The following TXNDC16 variants were observed in gnomAD, a reference collection of about 807,000 sequenced individuals.
The protein encoded by TXNDC16 is thioredoxin domain-containing protein 16.
A neutral mutation model predicts 85.6 loss-of-function variants in TXNDC16; 74 were observed. The ratio of observed to expected loss-of-function variants is 0.86; its 90% CI spans 0.72 to 1.05. TXNDC16 has a LOEUF of 1.05. TXNDC16 is among the 50% of genes least tolerant of loss of function. The pLI is 0.00. For synonymous variants in TXNDC16, 335 were observed against 326.5 expected, an observed-to-expected ratio of 1.03 and a Z score of -0.28; for missense variants, 959 against 947.0, an observed-to-expected ratio of 1.01 and a Z score of -0.17.
At chr14:52,484,464 AT>A (rs1271504366) in intron 12 of TXNDC16, among the ~76,000 whole-genome samples, 2 of 152,184 alleles carry the variant, frequency 1.3e-5, no homozygotes, top group Non-Finnish European at 2.9e-5. Flanking sequence ...GTCCCTTAAG[AT>A]TATAATAGAG....
chr14:52,499,648 G>A (rs969734874), intron 9 of TXNDC16, among the ~76,000 whole-genome samples: 1 of 151,240 alleles, frequency 6.6e-6, no homozygotes, highest in Non-Finnish European at 1.5e-5. Context: ...AATGACAAAC[G>A]TTGGTGAAGA....
chr14:52,457,886 A>G (rs1037727), intron 16 of TXNDC16, among the ~76,000 whole-genome samples: 2,037 of 152,328 alleles, frequency 0.013, 45 homozygotes, highest in African/African-American at 0.046. Context: ...AGCAAGTCTG[A>G]ATTAAATCAT....
chr14:52,536,028 C>CA (rs886399345), intron 6 of TXNDC16, among the ~76,000 whole-genome samples: 1 of 150,154 alleles, frequency 6.7e-6, no homozygotes, highest in East Asian at 1.9e-4. Flanking sequence ...CATCTCAAAA[C>CA]AAAAAACAAA....
At chr14:52,438,273 C>A (rs1447267535) in intron 20 of TXNDC16, among the ~76,000 whole-genome samples, 1 of 152,178 alleles carries the variant, frequency 6.6e-6, no homozygotes, top group South Asian at 2.1e-4. Context: ...GAATAAAATG[C>A]TATCAAACAG....
chr14:52,540,600 G>C (rs1425113378), intron 4 of TXNDC16, among the ~76,000 whole-genome samples: 1 of 152,094 alleles, frequency 6.6e-6, no homozygotes, highest in Non-Finnish European at 1.5e-5. Flanking sequence ...ACTCCAGCCT[G>C]GGTGACAGAG....
At chr14:52,452,367 G>T (rs1237881629) in intron 18 of TXNDC16, among the ~76,000 whole-genome samples, 1 of 152,036 alleles carries the variant, frequency 6.6e-6, no homozygotes, top group Non-Finnish European at 1.5e-5. Context: ...ACCCAGAATA[G>T]CCAAAGCTAT....
At chr14:52,448,260 T>A (rs1459429190) in intron 18 of TXNDC16, among the ~76,000 whole-genome samples, 2 of 151,510 alleles carry the variant, frequency 1.3e-5, no homozygotes. Flanking sequence ...CTCCCAAAGG[T>A]CAAGGATTTA....
chr14:52,470,528 G>T lies in TXNDC16; in HGVS notation c.1465C>A (p.Leu489Ile). The T allele has an allele frequency of 6.2e-7, 1 of 1,612,552 alleles. No individual in the cohort carries two copies. Among genetic ancestry groups the T allele is most frequent in the Non-Finnish European group, 8.5e-7 (1 of 1,179,440 alleles). ...AATACTTACAGCTGGATAAATTTTA[G>T]GAGATCTTCGGTTCCTAACATTCCA... ...YAGMLGTEDL[L>I]KFIQLNRISY... The change falls in exon 15 of 21, where the codon CTA (leucine) becomes ATA (isoleucine). Residue 489 changes from leucine (L) to isoleucine (I), a missense_variant. Physicochemically the swap from Leu to Ile is conservative, Grantham distance 5. Transcript: ENST00000281741.
chr14:52,542,582 T>G (rs1368852273), intron 3 of TXNDC16, 129 bp from the exon 4 acceptor site: 1 of 561,460 alleles, frequency 1.8e-6, no homozygotes, highest in Non-Finnish European at 3.2e-6. Context: ...CATATCTCAT[T>G]ACATATTTTC....
chr14:52,504,005 CGAGAA>C (rs762976794), intron 9 of TXNDC16, among the ~76,000 whole-genome samples: 9 of 151,876 alleles, frequency 5.9e-5, no homozygotes, highest in African/African-American at 1.2e-4. Context: ...TGAAATGAAG[CGAGAA>C]GAGAAGTTTA....
chr14:52,538,553 G>T (rs755287133), intron 4 of TXNDC16, among the ~76,000 whole-genome samples: 3 of 152,052 alleles, frequency 2.0e-5, no homozygotes, highest in Admixed American at 2.0e-4. Flanking sequence ...AAGGACAGAA[G>T]ACATACAAAA....
intron 9 of TXNDC16, among the ~76,000 whole-genome samples, chr14:52,493,354 T>C (rs2036458995): frequency 6.6e-6 from 1 of 151,566 alleles, no homozygotes; most frequent in South Asian, 2.1e-4. Flanking sequence ...GCCTCTAACA[T>C]GAAAGACAGA....
intron 6 of TXNDC16, among the ~76,000 whole-genome samples, chr14:52,531,464 T>C (rs2037578418): frequency 6.6e-6 from 1 of 152,152 alleles, no homozygotes; most frequent in Non-Finnish European, 1.5e-5. Flanking sequence ...ATCCATTCAG[T>C]GGAATATTAT....
chr14:52,450,102 A>G (rs1231051257), intron 18 of TXNDC16, among the ~76,000 whole-genome samples: 1 of 152,070 alleles, frequency 6.6e-6, no homozygotes, highest in Non-Finnish European at 1.5e-5. Context: ...GCAGAAATAA[A>G]TGAAATTGAA....
Position 52,443,143 on chromosome 14 carries a change from TG to T in TXNDC16, c.1843-2420del, listed in dbSNP as rs1477006659. On this transcript the variant is annotated intron_variant, in intron 18 of 20. Transcript: ENST00000281741. ...TGGAAAAGGCAGACCCACCTTAATC[TG>T]GGTGGGCACCATCTAATCAGCTGCC... 6.6e-5 allele frequency among the ~76,000 whole-genome samples: 10 copies of T among 152,212 alleles called. 1 individual carries two copies. The South Asian group carries it at 1.0e-3, about 16-fold the overall frequency.
chr14:52,536,921 A>T (rs1000469759), intron 5 of TXNDC16, 128 bp from the exon 6 acceptor site: 30 of 667,842 alleles, frequency 4.5e-5, no homozygotes, highest in Non-Finnish European at 7.1e-5. Flanking sequence ...TCTTGTCCAC[A>T]TACTCCACAT....
intron 16 of TXNDC16, among the ~76,000 whole-genome samples, chr14:52,465,727 A>G (rs2140126659): frequency 6.6e-6 from 1 of 152,336 alleles, no homozygotes; most frequent in East Asian, 1.9e-4. Flanking sequence ...TTAAAAACTT[A>G]TTGAAAGACA....
rs1420670185 is a variant in TXNDC16, at chr14:52,530,387, ATAT to A, written c.392+6329_392+6331del. On this transcript the variant is annotated intron_variant, in intron 6 of 20. Coordinates refer to ENST00000281741, the MANE Select transcript of TXNDC16 (RefSeq NM_020784.3). Reference sequence around the variant, plus strand: ...ATATTATTATATAATATTATATATAATATTATAATATAATATATAATTATTATA... The same window carrying A: ...ATATTATTATATAATATTATATATAATATAATATAATATATAATTATTATA... 1.3e-3 allele frequency among the ~76,000 whole-genome samples: 24 copies of A among 19,052 alleles called. 1 individual carries two copies. Among genetic ancestry groups the A allele is most frequent in the South Asian group, 2.3e-3 (1 of 430 alleles). 12.5% of individuals were successfully genotyped at this position (19,052 alleles called of 152,430 possible).
At chr14:52,452,270 A>G (rs74479773) in intron 18 of TXNDC16, among the ~76,000 whole-genome samples, 13,041 of 152,234 alleles carry the variant, frequency 0.086, 609 homozygotes, top group South Asian at 0.14. Context: ...ATAACTACAG[A>G]TTTAATGCAA....
Sources: allele counts gnomAD v4.1 joint callset (sites outside exome capture counted in the v4.1 genomes callset), GRCh38; gene constraint gnomAD v4.1.1; transcripts MANE v1.5; gene names NCBI Gene and HGNC (gene_info 2026-07-23, HGNC 2026-07-21).